SPECC1L: variants seen among roughly 807,000 people sequenced by gnomAD.
The protein encoded by SPECC1L is sperm antigen with calponin homology and coiled-coil domains 1 like.
Under a neutral mutation model 116.8 loss-of-function variants are expected in SPECC1L, and 40 were observed. That is an observed-to-expected ratio of 0.34 (90% CI 0.27 to 0.45). The LOEUF is 0.45. Ranked by LOEUF, SPECC1L falls within the 20% of genes least tolerant of loss-of-function variation. SPECC1L has a pLI of 1.00. For synonymous variants in SPECC1L, 504 were observed against 500.6 expected, an observed-to-expected ratio of 1.01 and a Z score of -0.09; for missense variants, 1,110 against 1,373.6, an observed-to-expected ratio of 0.81 and a Z score of 3.03.
At chr22:24,315,566 A>G (rs1010497679) in intron 4 of SPECC1L, among the ~76,000 whole-genome samples, 4 of 152,254 alleles carry the variant, frequency 2.6e-5, no homozygotes, top group Admixed American at 6.5e-5. Flanking sequence ...TGCCATTTGC[A>G]TGTCTTCCTG....
At chr22:24,342,968 A>G (rs1389256383) in intron 10 of SPECC1L, among the ~76,000 whole-genome samples, 1 of 152,074 alleles carries the variant, frequency 6.6e-6, no homozygotes, top group East Asian at 1.9e-4. Flanking sequence ...TGATGTGGGC[A>G]GATCACCTGA....
In SPECC1L at chr22:24,319,543, A is replaced by G. The variant is rs1318804277; in HGVS notation, c.308-1745A>G. On this transcript the variant is annotated intron_variant, in intron 4 of 16. Transcript: ENST00000314328. ...CTCTAGATTAATTTTCATAAAATGT[A>G]CTTTTCCTTACATTTCTTTCCTACT... Among the ~76,000 whole-genome samples, 4 of 152,234 alleles carry G rather than the reference A, an allele frequency of 2.6e-5. No individual in the cohort carries two copies. In the East Asian group the frequency reaches 7.7e-4, roughly 29 times the overall value.
At chr22:24,317,876 C>A (rs953821013) in intron 4 of SPECC1L, among the ~76,000 whole-genome samples, 8 of 151,792 alleles carry the variant, frequency 5.3e-5, no homozygotes, top group Non-Finnish European at 1.2e-4. Context: ...CTCCTCACAT[C>A]CCGGACGGGG....
At chr22:24,296,171 C>G (rs1437569820) in intron 2 of SPECC1L, among the ~76,000 whole-genome samples, 1 of 152,166 alleles carries the variant, frequency 6.6e-6, no homozygotes, top group Non-Finnish European at 1.5e-5. Context: ...ACCGTTGTTC[C>G]TCAAGAATGA....
chr22:24,319,290 A>G (rs968537330), intron 4 of SPECC1L, among the ~76,000 whole-genome samples: 2 of 152,046 alleles, frequency 1.3e-5, no homozygotes, highest in East Asian at 1.9e-4. Context: ...TAGCAGGCAC[A>G]TTCTTCTCCA....
chr22:24,369,361 A>T (rs201024128), intron 14 of SPECC1L, 41 bp downstream of exon 14: 2 of 1,435,534 alleles, frequency 1.4e-6, no homozygotes, highest in African/African-American at 2.8e-5. Flanking sequence ...GTAATTGGCA[A>T]ACCAACTGCT....
intron 14 of SPECC1L, among the ~76,000 whole-genome samples, chr22:24,379,160 G>A (rs2042018755): frequency 6.6e-6 from 1 of 151,942 alleles, no homozygotes; most frequent in South Asian, 2.1e-4. Context: ...GATCGCTTGT[G>A]ATTAGGAGTT....
intron 14 of SPECC1L, among the ~76,000 whole-genome samples, chr22:24,405,552 C>T (rs2042571495): frequency 6.6e-6 from 1 of 152,050 alleles, no homozygotes; most frequent in African/African-American, 2.4e-5. Flanking sequence ...CTAAAAATAC[C>T]TTACAGGCTG....
rs73167576 is a variant in SPECC1L at position 24,280,640 on chromosome 22, T to A, written c.-38+3837T>A. Among the ~76,000 whole-genome samples, 939 of 151,034 alleles carry A rather than the reference T, an allele frequency of 6.2e-3. 5 individuals carry two copies. Among genetic ancestry groups the A allele is most frequent in the Admixed American group, 0.013 (193 of 15,088 alleles). On this transcript the variant is annotated intron_variant, in intron 2 of 16. Transcript: ENST00000314328. ...TTGCTCAGGCTGGAGGGCAGCAGTA[T>A]GACCACAGCTTATTACAGCCCTGAC...
At chr22:24,354,203 A>C (rs2041481963) in intron 11 of SPECC1L, among the ~76,000 whole-genome samples, 1 of 152,144 alleles carries the variant, frequency 6.6e-6, no homozygotes, top group South Asian at 2.1e-4. Context: ...CACCTCCAAC[A>C]CTGGGGCTTA....
chr22:24,289,909 G>A (rs188730814), intron 2 of SPECC1L, among the ~76,000 whole-genome samples: 165 of 152,198 alleles, frequency 1.1e-3, no homozygotes, highest in Middle Eastern at 6.8e-3. Context: ...ATAGTTAAAC[G>A]ACAATGGCAA....
chr22:24,296,884 C>T (rs5760323), intron 2 of SPECC1L, among the ~76,000 whole-genome samples: 21,850 of 131,950 alleles, frequency 0.17, no homozygotes, highest in East Asian at 0.3. Flanking sequence ...GAATTCAAGG[C>T]TTAGTGTGGT....
chr22:24,303,120 A>G (rs1352156021), intron 3 of SPECC1L, among the ~76,000 whole-genome samples: 1 of 152,082 alleles, frequency 6.6e-6, no homozygotes, highest in Non-Finnish European at 1.5e-5. Flanking sequence ...TGCATGCACA[A>G]CTGGAAACAT....
At chr22:24,295,936 A>G (rs1478594006) in intron 2 of SPECC1L, among the ~76,000 whole-genome samples, 3 of 152,220 alleles carry the variant, frequency 2.0e-5, no homozygotes, top group East Asian at 1.9e-4. Flanking sequence ...GGAGAAGAGC[A>G]AGACTTCATC....
Position 24,330,343 on chromosome 22 carries a change from G to A in SPECC1L, c.2308G>A (p.Glu770Lys). 6.2e-7 allele frequency: 1 copy of A among 1,614,180 alleles called. No homozygotes were observed. The highest frequency in any genetic ancestry group is 2.2e-5 in the East Asian group (1 of 44,884). ...TGACATTAAATCTGAAGCCCAAGAG[G>A]AGATTGGTGATCTAAAGCGCCGGTT... ...ANDIKSEAQEEIGDLKRRLHE... is the reference protein window; with the variant it reads ...ANDIKSEAQEKIGDLKRRLHE... The change falls in exon 8 of 17, where the codon GAG becomes AAG. Residue 770 changes from glutamate (E) to lysine (K), a missense_variant. By Grantham distance (56) the Glu-to-Lys change is moderately conservative. Transcript: ENST00000314328.
chr22:24,400,813 G>A (rs1356699487), intron 14 of SPECC1L, among the ~76,000 whole-genome samples: 2 of 152,176 alleles, frequency 1.3e-5, no homozygotes, highest in Non-Finnish European at 1.5e-5. Flanking sequence ...GTGACTAACC[G>A]TGTTGAGCCT....
At chr22:24,393,338 G>C (rs1383869988) in intron 14 of SPECC1L, among the ~76,000 whole-genome samples, 1 of 152,198 alleles carries the variant, frequency 6.6e-6, no homozygotes, top group Non-Finnish European at 1.5e-5. Flanking sequence ...GGCAATATGA[G>C]GGTGAGATTA....
chr22:24,329,674 C>T (rs974881496), intron 7 of SPECC1L, among the ~76,000 whole-genome samples: 6 of 152,218 alleles, frequency 3.9e-5, no homozygotes, highest in African/African-American at 1.4e-4. Context: ...CCGGCCACAC[C>T]CGCATCCTCC....
chr22:24,395,655 T>G (rs1255960385), intron 14 of SPECC1L, among the ~76,000 whole-genome samples: 2 of 152,236 alleles, frequency 1.3e-5, no homozygotes, highest in Non-Finnish European at 2.9e-5. Context: ...TTTCTCTTTT[T>G]CAGACAGAAT....
Sources: allele counts gnomAD v4.1 joint callset (sites outside exome capture counted in the v4.1 genomes callset), GRCh38; gene constraint gnomAD v4.1.1; transcripts MANE v1.5; gene names NCBI Gene and HGNC (gene_info 2026-07-23, HGNC 2026-07-21).